PRKACA: variants seen among roughly 807,000 people sequenced by gnomAD.
PRKACA encodes protein kinase cAMP-activated catalytic subunit alpha.
A neutral mutation model predicts 45.8 loss-of-function variants in PRKACA; 9 were observed. The observed-to-expected ratio is 0.20, with a 90% CI of 0.12 to 0.34. The LOEUF (loss-of-function observed/expected upper bound fraction) is 0.34. Ranked by LOEUF, PRKACA falls within the 10% of genes least tolerant of loss-of-function variation. The probability of loss-of-function intolerance (pLI) is 1.00; values close to 1 mark genes in which losing one functional copy is unlikely to be tolerated. For missense variants in PRKACA, 238 were observed against 458.6 expected, an observed-to-expected ratio of 0.52 and a Z score of 4.39; for synonymous variants, 160 against 178.6, an observed-to-expected ratio of 0.90 and a Z score of 0.83.
intron 9 of PRKACA, 35 bp from the exon 10 acceptor site, chr19:14,093,272 A>G (rs1977145793): frequency 6.3e-7 from 1 of 1,596,550 alleles, no homozygotes; most frequent in Non-Finnish European, 8.5e-7. Flanking sequence ...AGACCTCAGC[A>G]TTCAACATAA....
intron 3 of PRKACA, 93 bp downstream of exon 3, chr19:14,106,667 T>G: frequency 6.5e-7 from 1 of 1,528,768 alleles, no homozygotes; most frequent in South Asian, 1.2e-5. Flanking sequence ...AAAAAGCAAG[T>G]GAGTGAACGG....
intron 1 of PRKACA, among the ~76,000 whole-genome samples, chr19:14,113,561 A>G (rs946720106): frequency 6.6e-6 from 1 of 152,200 alleles, no homozygotes; most frequent in Admixed American, 6.5e-5. Context: ...AATTTGGGCA[A>G]GGGGCTTGGG....
chr19:14,099,326 A>G (rs912695092), intron 5 of PRKACA, among the ~76,000 whole-genome samples: 2 of 152,188 alleles, frequency 1.3e-5, no homozygotes, highest in Non-Finnish European at 2.9e-5. Context: ...ACGTATGTAA[A>G]CTTATAAGTT....
intron 3 of PRKACA, among the ~76,000 whole-genome samples, chr19:14,105,844 A>G (rs1977587717): frequency 6.6e-6 from 1 of 152,208 alleles, no homozygotes; most frequent in African/African-American, 2.4e-5. Flanking sequence ...AGTGCCTGGT[A>G]TAAAGTCCGA....
intron 5 of PRKACA, chr19:14,098,524 C>G (rs1977338524): frequency 6.7e-6 from 1 of 150,374 alleles, no homozygotes. Context: ...TTAAGACAGT[C>G]TCGCTCTCTT....
chr19:14,100,386 C>T (rs938306539), intron 5 of PRKACA, among the ~76,000 whole-genome samples: 3 of 152,084 alleles, frequency 2.0e-5, no homozygotes, highest in African/African-American at 7.2e-5. Flanking sequence ...CAACCTCTGT[C>T]TCCTGGGTTC....
chr19:14,105,154 A>G (rs1977565896), intron 3 of PRKACA, among the ~76,000 whole-genome samples: 1 of 152,242 alleles, frequency 6.6e-6, no homozygotes, highest in African/African-American at 2.4e-5. Flanking sequence ...ATGTTTCATT[A>G]ATGATATTTT....
rs150188605 is a variant in PRKACA, at chr19:14,109,703, C to T, written c.47-2294G>A. ...CTATAATCCCAGCACTTTGGGAGGC[C>T]GAGGCAGGCAGATCACTTGAGGTCA... On this transcript the variant is annotated intron_variant, in intron 1 of 9. Coordinates refer to ENST00000308677, the MANE Select transcript of PRKACA (RefSeq NM_002730.4). 7.1e-3 allele frequency among the ~76,000 whole-genome samples: 1,074 copies of T among 150,448 alleles called. 13 individuals are homozygous for T. The highest frequency in any genetic ancestry group is 0.023 in the African/African-American group (945 of 41,088).
chr19:14,092,892 G>A lies in PRKACA; in HGVS notation c.*220C>T, dbSNP rs1370335363. The stretch of plus-strand genomic sequence containing the variant: ...GAAAGAGGAAGGGAAAAGTGGGAGA[G>A]GGGGCAGGAGGGTGAAGGGGATGAG... On this transcript the variant is annotated 3_prime_UTR_variant, in exon 10 of 10. Transcript: ENST00000308677. 1.9e-6 allele frequency: 1 copy of A among 539,862 alleles called. No individual in the cohort carries two copies. Among genetic ancestry groups the A allele is most frequent in the East Asian group, 2.9e-5 (1 of 34,744 alleles). 33.4% of individuals were successfully genotyped at this position (539,862 alleles called of 1,614,324 possible). A position where few individuals can be genotyped will look rare whatever the true frequency, so the allele number is the denominator to read the frequency against.
intron 8 of PRKACA, among the ~76,000 whole-genome samples, chr19:14,094,146 G>A (rs973193304): frequency 3.6e-5 from 5 of 137,590 alleles, no homozygotes; most frequent in Non-Finnish European, 7.6e-5. Context: ...TTATAGGCGT[G>A]AGCCACCACA....
chr19:14,104,704 A>T (rs530755320), intron 3 of PRKACA, among the ~76,000 whole-genome samples: 36 of 151,376 alleles, frequency 2.4e-4, no homozygotes, highest in African/African-American at 8.7e-4. Context: ...TCAAAAAAAA[A>T]AAAAAAAAAA....
chr19:14,092,985 G>C lies in PRKACA; in HGVS notation c.*127C>G. 1 of 1,223,340 alleles carries C rather than the reference G, an allele frequency of 8.2e-7. No individual in the cohort carries two copies. The highest frequency in any genetic ancestry group is 1.1e-6 in the Non-Finnish European group (1 of 910,824). 75.8% of individuals were successfully genotyped at this position (1,223,340 alleles called of 1,614,324 possible). On this transcript the variant is annotated 3_prime_UTR_variant, in exon 10 of 10. Coordinates refer to ENST00000308677, the MANE Select transcript of PRKACA (RefSeq NM_002730.4). ...CCTGCTCCCCCTAACCCTGGAGGGT[G>C]GGGTGGGGGTGAAATTAGATGCAAG... is the stretch of plus-strand genomic sequence containing the variant.
In PRKACA at chr19:14,093,652, G is replaced by C. The variant is rs756149376; in HGVS notation, c.906C>G (p.Asp302Glu). The C allele has an allele frequency of 3.7e-6, 6 of 1,613,930 alleles. No individual in the cohort carries two copies. The change falls in exon 9 of 10, where the codon GAC becomes GAG. Residue 302 changes from aspartate to glutamate, a missense_variant. Physicochemically the swap from Asp to Glu is conservative, Grantham distance 45. Around this residue, in one of 3 missense-constraint regions of PRKACA, gnomAD observed 51 missense variants for 68.6 expected, o/e 0.74. Coordinates refer to ENST00000308677, the MANE Select transcript of PRKACA (RefSeq NM_002730.4). ...IKNHKWFATT[D>E]WIAIYQRKVE... ...CCTTCCTCTGGTAGATGGCAATCCAGTCAGTTGTGGCAAACCACTTGTGGT... is the reference window on the plus strand; with the variant it reads ...CCTTCCTCTGGTAGATGGCAATCCACTCAGTTGTGGCAAACCACTTGTGGT...
intron 8 of PRKACA, among the ~76,000 whole-genome samples, chr19:14,096,192 C>G (rs1253519103): frequency 6.6e-6 from 1 of 151,648 alleles, no homozygotes; most frequent in Non-Finnish European, 1.5e-5. Context: ...GCGCCCACCA[C>G]TATACCCAGC....
At chr19:14,109,997 T>C (rs76540649) in intron 1 of PRKACA, among the ~76,000 whole-genome samples, 6,417 of 71,202 alleles carry the variant, frequency 0.09, 293 homozygotes, top group Admixed American at 0.1. Context: ...TATATATATA[T>C]ATACACACAC....
intron 1 of PRKACA, chr19:14,112,252 C>T (rs1966987084): frequency 8.3e-6 from 1 of 119,804 alleles, no homozygotes; most frequent in Admixed American, 1.2e-4. Context: ...CTGTCTCTTC[C>T]AGGAAAGGGT....
intron 3 of PRKACA, among the ~76,000 whole-genome samples, chr19:14,103,335 G>A (rs1031707341): frequency 1.3e-5 from 2 of 152,126 alleles, no homozygotes; most frequent in Non-Finnish European, 2.9e-5. Context: ...GGGGGGTTTA[G>A]GACCTGCCTT....
At position 14,097,749 on chromosome 19, in the gene PRKACA, C is replaced by A. The variant is rs749939459; in HGVS notation, c.546+15G>T. On this transcript the variant is annotated intron_variant, in intron 6 of 9. Transcript: ENST00000308677. The surrounding 1 kb of genome is among the most constrained non-coding windows in gnomAD (Gnocchi z 5.4). ...GGCTTCCCCAGGGCTGCCCCTCGCC[C>A]GGCCTGGTGGGCACCTGAATGTAGC... is the stretch of plus-strand genomic sequence containing the variant. 4 of 1,614,106 alleles carry A rather than the reference C, an allele frequency of 2.5e-6. No individual in the cohort carries two copies. In the East Asian group the frequency reaches 8.9e-5, roughly 36 times the overall value.
chr19:14,117,413 GC>G, intron 1 of PRKACA, 88 bp downstream of exon 1: 2 of 1,193,306 alleles, frequency 1.7e-6, no homozygotes, highest in East Asian at 3.5e-5. Context: ...AGGATGAGGG[GC>G]CCCGTAGGGG....
Sources: allele counts gnomAD v4.1 joint callset (sites outside exome capture counted in the v4.1 genomes callset), GRCh38; gene constraint gnomAD v4.1.1; regional missense constraint gnomAD v4.1.1; non-coding constraint Gnocchi (gnomAD v3.1); transcripts MANE v1.5; gene names NCBI Gene and HGNC (gene_info 2026-07-23, HGNC 2026-07-21).